The following H1-0 variants were observed in gnomAD, a reference collection of about 807,000 sequenced individuals.
H1-0 encodes H1.0 linker histone, also known as histone H1.0.
H1-0 carries 5 observed loss-of-function variants against 8.8 expected under a neutral mutation model. That is an observed-to-expected ratio of 0.57 (90% confidence interval 0.30 to 1.19). H1-0 has a LOEUF of 1.19. Among genes scored for constraint, H1-0 ranks in the 50% most tolerant of loss-of-function variants. The pLI is 0.08. For synonymous variants in H1-0, 143 were observed against 101.4 expected (o/e 1.41, Z -2.46); for missense variants, 231 against 242.0 (o/e 0.95, Z 0.30).
Position 37,805,886 on chromosome 22 carries a change from C to G in H1-0, c.342C>G (p.Ile114Met). 2 of 1,613,968 alleles carry G rather than the reference C, an allele frequency of 1.2e-6. No individual in the cohort carries two copies. Among genetic ancestry groups the G allele is most frequent in the Non-Finnish European group, 1.7e-6 (2 of 1,179,990 alleles). Residue 114 changes from isoleucine to methionine, a missense_variant, in exon 1 of 1, where the codon ATC (isoleucine) becomes ATG (methionine). By Grantham distance (10) the Ile-to-Met change is conservative. Transcript: ENST00000340857. The stretch of plus-strand genomic sequence containing the variant: ...CCTTCAAGAAGACCAAGAAGGAAAT[C>G]AAGAAGGTAGCCACGCCAAAGAAGG... ...SVAFKKTKKE[I>M]KKVATPKKAS...
In H1-0 at chr22:37,807,101, G is replaced by T. The variant is rs527396863; in HGVS notation, c.*972G>T. 3.0e-5 allele frequency: 5 copies of T among 166,826 alleles called. No homozygotes were observed. The highest frequency in any genetic ancestry group is 1.2e-4 in the African/African-American group (5 of 41,478). 10.3% of individuals were successfully genotyped at this position (166,826 alleles called of 1,614,324 possible). On this transcript the variant is annotated 3_prime_UTR_variant, in exon 1 of 1. Coordinates refer to ENST00000340857, the MANE Select transcript of H1-0 (RefSeq NM_005318.4). ...TCCTTTATTATAAGTAGTTGTAGCTGCGGGAGGGGGAGGGGGAGTGGGCGG... is the reference window on the plus strand; with the variant it reads ...TCCTTTATTATAAGTAGTTGTAGCTTCGGGAGGGGGAGGGGGAGTGGGCGG...
In H1-0 at chr22:37,806,382, G is replaced by T; in HGVS notation, c.*253G>T. The T allele has an allele frequency of 2.2e-6, 1 of 458,146 alleles. No homozygotes were observed. The highest frequency in any genetic ancestry group is 3.9e-6 in the Non-Finnish European group (1 of 257,622). 28.4% of individuals were successfully genotyped at this position (458,146 alleles called of 1,614,324 possible). ...TTGTTTTGCTATTAACCTACTTACGGGGTTAGGGATTTGCGGGGGGGGCTT... is the reference window on the plus strand; with the variant it reads ...TTGTTTTGCTATTAACCTACTTACGTGGTTAGGGATTTGCGGGGGGGGCTT... On this transcript the variant is annotated 3_prime_UTR_variant, in exon 1 of 1. Transcript: ENST00000340857.
chr22:37,806,230 C>G lies in H1-0; in HGVS notation c.*101C>G. 2.3e-6 allele frequency: 2 copies of G among 857,668 alleles called. No individual in the cohort carries two copies. The highest frequency in any genetic ancestry group is 3.6e-6 in the Non-Finnish European group (2 of 555,584). The allele number at this position is 857,668 out of a possible 1,614,324, so 53.1% of individuals were successfully genotyped here. A position where few individuals can be genotyped will look rare whatever the true frequency, so the allele number is the denominator to read the frequency against. ...TGATGCTCACCACCACCTTTTGCCC[C>G]CTTCTGTTCTGACTTTATAAGAGAC... On this transcript the variant is annotated 3_prime_UTR_variant, in exon 1 of 1. Coordinates refer to ENST00000340857, the MANE Select transcript of H1-0 (RefSeq NM_005318.4).
chr22:37,806,252 A>G lies in H1-0; in HGVS notation c.*123A>G. The G allele has an allele frequency of 2.7e-6, 2 of 735,774 alleles. No individual in the cohort carries two copies. The highest frequency in any genetic ancestry group is 4.5e-6 in the Non-Finnish European group (2 of 447,790). The allele number at this position is 735,774 out of a possible 1,614,324, so 45.6% of individuals were successfully genotyped here. A position where few individuals can be genotyped will look rare whatever the true frequency, so the allele number is the denominator to read the frequency against. Reference sequence around the variant, plus strand: ...CCCCCTTCTGTTCTGACTTTATAAGAGACAGGATTTGGATTCTTCAGAAAT... The same window carrying G: ...CCCCCTTCTGTTCTGACTTTATAAGGGACAGGATTTGGATTCTTCAGAAAT... On this transcript the variant is annotated 3_prime_UTR_variant, in exon 1 of 1. Transcript: ENST00000340857.
In H1-0 at chr22:37,805,384, G is replaced by A. The variant is rs1920976520; in HGVS notation, c.-161G>A. On this transcript the variant is annotated 5_prime_UTR_variant, in exon 1 of 1. Coordinates refer to ENST00000340857, the MANE Select transcript of H1-0 (RefSeq NM_005318.4). ...GCTCTCCCGACACCCGAGCCGGGGA[G>A]GAAAAGCAGCGACTCCTCGCTCGCA... 1 of 584,690 alleles carries A rather than the reference G, an allele frequency of 1.7e-6. No homozygotes were observed. The highest frequency in any genetic ancestry group is 1.9e-5 in the African/African-American group (1 of 52,668). The allele number at this position is 584,690 out of a possible 1,614,324, so 36.2% of individuals were successfully genotyped here. A position where few individuals can be genotyped will look rare whatever the true frequency, so the allele number is the denominator to read the frequency against.
At position 37,805,269 on chromosome 22, in the gene H1-0, C is replaced by T. The variant is rs183668620; in HGVS notation, c.-276C>T. ...AAAAGGGAGGCAGAGGAGGCGGAGG[C>T]AGAGGCAGAGGCAGAGGCAGAGCCC... On this transcript the variant is annotated 5_prime_UTR_variant, in exon 1 of 1. Coordinates refer to ENST00000340857, the MANE Select transcript of H1-0 (RefSeq NM_005318.4). 4.7e-5 allele frequency: 20 copies of T among 428,512 alleles called. No individual in the cohort carries two copies. Among genetic ancestry groups the T allele is most frequent in the Middle Eastern group, 5.9e-4 (1 of 1,708 alleles). 26.5% of individuals were successfully genotyped at this position (428,512 alleles called of 1,614,324 possible). A position where few individuals can be genotyped will look rare whatever the true frequency, so the allele number is the denominator to read the frequency against.
Position 37,805,266 on chromosome 22 carries a change from A to G in H1-0, c.-279A>G. The G allele has an allele frequency of 2.3e-6, 1 of 428,554 alleles. No individual in the cohort carries two copies. Among genetic ancestry groups the G allele is most frequent in the Non-Finnish European group, 4.2e-6 (1 of 238,032 alleles). 26.5% of individuals were successfully genotyped at this position (428,554 alleles called of 1,614,324 possible). On this transcript the variant is annotated 5_prime_UTR_variant, in exon 1 of 1. Coordinates refer to ENST00000340857, the MANE Select transcript of H1-0 (RefSeq NM_005318.4). ...GGGAAAAGGGAGGCAGAGGAGGCGG[A>G]GGCAGAGGCAGAGGCAGAGGCAGAG...
rs1339283066 is a variant in H1-0, at chr22:37,806,672, A to G, written c.*543A>G. ...GCCACCGGGCTGACTTCCACCTCCC[A>G]GTGGTGAGCAGTGGGGGCCCAAACC... On this transcript the variant is annotated 3_prime_UTR_variant, in exon 1 of 1. Coordinates refer to ENST00000340857, the MANE Select transcript of H1-0 (RefSeq NM_005318.4). 2 of 169,348 alleles carry G rather than the reference A, an allele frequency of 1.2e-5. No homozygotes were observed. Among genetic ancestry groups the G allele is most frequent in the Non-Finnish European group, 2.9e-5 (2 of 69,626 alleles). 10.5% of individuals were successfully genotyped at this position (169,348 alleles called of 1,614,324 possible).
In H1-0 at chr22:37,805,419, G is replaced by A; in HGVS notation, c.-126G>A. On this transcript the variant is annotated 5_prime_UTR_variant, in exon 1 of 1. Coordinates refer to ENST00000340857, the MANE Select transcript of H1-0 (RefSeq NM_005318.4). ...CGACTCCTCGCTCGCATCCCCGGGA[G>A]CCGCACTCCAGACTGGCCCGGTAGT... The A allele has an allele frequency of 3.1e-6, 2 of 654,008 alleles. No homozygotes were observed. The highest frequency in any genetic ancestry group is 5.2e-6 in the Non-Finnish European group (2 of 385,438). The allele number at this position is 654,008 out of a possible 1,614,324, so 40.5% of individuals were successfully genotyped here.
chr22:37,805,968 C>G lies in H1-0; in HGVS notation c.424C>G (p.Pro142Ala), dbSNP rs548498983. The G allele has an allele frequency of 1.2e-6, 2 of 1,614,010 alleles. No individual in the cohort carries two copies. The highest frequency in any genetic ancestry group is 1.6e-4 in the Middle Eastern group (1 of 6,062). ...CCCAACCAAGAAACCCAAAGCCACC[C>G]CGGTCAAGAAGGCCAAGAAGAAGCT... ...KAPTKKPKATPVKKAKKKLAA... is the reference protein window; with the variant it reads ...KAPTKKPKATAVKKAKKKLAA... The change falls in exon 1 of 1, where the codon CCG (proline) becomes GCG (alanine). Residue 142 changes from proline to alanine, a missense_variant. Transcript: ENST00000340857.
chr22:37,805,273 G>A lies in H1-0; in HGVS notation c.-272G>A, dbSNP rs959867423. On this transcript the variant is annotated 5_prime_UTR_variant, in exon 1 of 1. Transcript: ENST00000340857. ...GGGAGGCAGAGGAGGCGGAGGCAGA[G>A]GCAGAGGCAGAGGCAGAGCCCGAGC... is the stretch of plus-strand genomic sequence containing the variant. 1.2e-5 allele frequency: 4 copies of A among 333,076 alleles called. No homozygotes were observed. The highest frequency in any genetic ancestry group is 8.6e-5 in the Admixed American group (1 of 11,574). The allele number at this position is 333,076 out of a possible 1,614,324, so 20.6% of individuals were successfully genotyped here.
At position 37,807,037 on chromosome 22, in the gene H1-0, G is replaced by A. The variant is rs1034026043; in HGVS notation, c.*908G>A. On this transcript the variant is annotated 3_prime_UTR_variant, in exon 1 of 1. Coordinates refer to ENST00000340857, the MANE Select transcript of H1-0 (RefSeq NM_005318.4). ...AGAGGTGTCTTTGCTTGGTTTGGTG[G>A]GGCTGCGGCCACTTAAAACCTCCCG... is the stretch of plus-strand genomic sequence containing the variant. The A allele has an allele frequency of 1.8e-5, 3 of 166,858 alleles. No individual in the cohort carries two copies. The Admixed American group carries it at 2.0e-4, about 11-fold the overall frequency. 10.3% of individuals were successfully genotyped at this position (166,858 alleles called of 1,614,324 possible).
In H1-0 at chr22:37,805,531, C is replaced by T. The variant is rs371303008; in HGVS notation, c.-14C>T. The T allele has an allele frequency of 6.5e-5, 104 of 1,598,706 alleles. No homozygotes were observed. Among genetic ancestry groups the T allele is most frequent in the Non-Finnish European group, 1.2e-5 (14 of 1,170,488 alleles). ...TTGGAAGGCGCCTTCAACAGCCGGA[C>T]CAGACAGGCCACCATGACCGAGAAT... On this transcript the variant is annotated 5_prime_UTR_variant, in exon 1 of 1. Transcript: ENST00000340857.
Position 37,805,245 on chromosome 22 carries a change from A to C in H1-0, c.-300A>C. On this transcript the variant is annotated 5_prime_UTR_variant, in exon 1 of 1. Transcript: ENST00000340857. Reference sequence around the variant, plus strand: ...CCAAGCGCCAGACGCGGAGCTGGGAAAAGGGAGGCAGAGGAGGCGGAGGCA... The same window carrying C: ...CCAAGCGCCAGACGCGGAGCTGGGACAAGGGAGGCAGAGGAGGCGGAGGCA... 22 of 384,510 alleles carry C rather than the reference A, an allele frequency of 5.7e-5. No homozygotes were observed. The highest frequency in any genetic ancestry group is 1.9e-4 in the East Asian group (4 of 20,616). The allele number at this position is 384,510 out of a possible 1,614,324, so 23.8% of individuals were successfully genotyped here.
At position 37,806,225 on chromosome 22, in the gene H1-0, T is replaced by C. The variant is rs1275067711; in HGVS notation, c.*96T>C. The C allele has an allele frequency of 3.4e-6, 3 of 888,274 alleles. No homozygotes were observed. Among genetic ancestry groups the C allele is most frequent in the Admixed American group, 5.6e-5 (2 of 35,626 alleles). 55.0% of individuals were successfully genotyped at this position (888,274 alleles called of 1,614,324 possible). ...TCTCTTGATGCTCACCACCACCTTT[T>C]GCCCCCTTCTGTTCTGACTTTATAA... On this transcript the variant is annotated 3_prime_UTR_variant, in exon 1 of 1. Transcript: ENST00000340857.
At position 37,805,409 on chromosome 22, in the gene H1-0, A is replaced by T; in HGVS notation, c.-136A>T. ...GGAAAAGCAGCGACTCCTCGCTCGC[A>T]TCCCCGGGAGCCGCACTCCAGACTG... On this transcript the variant is annotated 5_prime_UTR_variant, in exon 1 of 1. Transcript: ENST00000340857. The T allele has an allele frequency of 4.8e-6, 3 of 623,554 alleles. No individual in the cohort carries two copies. The highest frequency in any genetic ancestry group is 8.3e-6 in the Non-Finnish European group (3 of 362,624). The allele number at this position is 623,554 out of a possible 1,614,324, so 38.6% of individuals were successfully genotyped here.
chr22:37,805,255 A>G lies in H1-0; in HGVS notation c.-290A>G, dbSNP rs1569075163. 7.2e-6 allele frequency: 3 copies of G among 418,352 alleles called. No homozygotes were observed. Among genetic ancestry groups the G allele is most frequent in the African/African-American group, 2.1e-5 (1 of 46,940 alleles). The allele number at this position is 418,352 out of a possible 1,614,324, so 25.9% of individuals were successfully genotyped here. The stretch of plus-strand genomic sequence containing the variant: ...GACGCGGAGCTGGGAAAAGGGAGGC[A>G]GAGGAGGCGGAGGCAGAGGCAGAGG... On this transcript the variant is annotated 5_prime_UTR_variant, in exon 1 of 1. Coordinates refer to ENST00000340857, the MANE Select transcript of H1-0 (RefSeq NM_005318.4).
Position 37,806,038 on chromosome 22 carries a change from CCAAGCCGGT to C in H1-0, c.499_507del (p.Pro167_Lys169del). 1 of 1,614,144 alleles carries C rather than the reference CCAAGCCGGT, an allele frequency of 6.2e-7. No homozygotes were observed. Among genetic ancestry groups the C allele is most frequent in the South Asian group, 1.1e-5 (1 of 91,090 alleles). On this transcript the variant is annotated inframe_deletion, in exon 1 of 1. Transcript: ENST00000340857. The stretch of plus-strand genomic sequence containing the variant: ...GCCAAAAAACCCAAGACTGTCAAAG[CCAAGCCGGT>C]CAAGGCATCCAAGCCCAAAAAGGCC...
chr22:37,805,714 A>C lies in H1-0; in HGVS notation c.170A>C (p.His57Pro). ...TCCATTCAGAAGTATATCAAGAGCC[A>C]CTACAAGGTGGGTGAGAACGCTGAC... is the stretch of plus-strand genomic sequence containing the variant. Reference protein sequence around the residue: ...RQSIQKYIKSHYKVGENADSQ... With the variant: ...RQSIQKYIKSPYKVGENADSQ... Residue 57 changes from histidine to proline, a missense_variant, in exon 1 of 1, where the codon CAC (histidine) becomes CCC (proline). Transcript: ENST00000340857. The C allele has an allele frequency of 6.2e-7, 1 of 1,614,144 alleles. No homozygotes were observed. The highest frequency in any genetic ancestry group is 8.5e-7 in the Non-Finnish European group (1 of 1,180,016).
Sources: gnomAD v4.1 joint callset for allele counts on GRCh38, gnomAD v4.1.1 for gene constraint, MANE v1.5 for transcripts, NCBI Gene and HGNC (gene_info 2026-07-23, HGNC 2026-07-21) for gene names.